The following ITPR2 variants were observed in gnomAD, a reference collection of about 807,000 sequenced individuals.
ITPR2 encodes the protein inositol 1,4,5-trisphosphate-gated calcium channel ITPR2.
Under a neutral mutation model 317.1 loss-of-function variants are expected in ITPR2, and 207 were observed. The ratio of observed to expected loss-of-function variants is 0.65; its 90% CI spans 0.58 to 0.73. ITPR2 has a LOEUF of 0.73. ITPR2 is among the 30% of genes least tolerant of loss of function. The probability of loss-of-function intolerance (pLI) is 0.00; values close to 1 mark genes in which losing one functional copy is unlikely to be tolerated. For synonymous variants in ITPR2, 1,156 were observed against 1,149.1 expected (o/e 1.01, Z -0.12); for missense variants, 2,613 against 3,284.0 (o/e 0.80, Z 4.99).
At chr12:26,750,900 C>A (rs1949401502) in intron 2 of ITPR2, among the ~76,000 whole-genome samples, 1 of 152,176 alleles carries the variant, frequency 6.6e-6, no homozygotes, top group Non-Finnish European at 1.5e-5. Flanking sequence ...CCAAAGCAAT[C>A]CAATGAGATA....
chr12:26,687,074 G>A (rs1230540931), intron 10 of ITPR2, among the ~76,000 whole-genome samples: 4 of 152,128 alleles, frequency 2.6e-5, no homozygotes, highest in Non-Finnish European at 5.9e-5. Flanking sequence ...TTGGAGAGGA[G>A]CAGAATCAAC....
chr12:26,733,000 C>G (rs893200415), intron 2 of ITPR2, among the ~76,000 whole-genome samples: 4 of 152,136 alleles, frequency 2.6e-5, no homozygotes, highest in African/African-American at 9.7e-5. Flanking sequence ...ATTGTTAAAG[C>G]ATCTATTAAT....
chr12:26,407,310 G>A (rs1270537949), intron 52 of ITPR2, among the ~76,000 whole-genome samples: 3 of 152,184 alleles, frequency 2.0e-5, no homozygotes, highest in East Asian at 3.8e-4. Context: ...AAACAGAACA[G>A]TTTATCAAGC....
chr12:26,467,361 C>A (rs1021430885), intron 45 of ITPR2, among the ~76,000 whole-genome samples: 1 of 151,550 alleles, frequency 6.6e-6, no homozygotes, highest in Non-Finnish European at 1.5e-5. Flanking sequence ...TTCTCTATCT[C>A]TCTCTCTCTC....
At chr12:26,504,944 T>C (rs571346966) in intron 37 of ITPR2, among the ~76,000 whole-genome samples, 4 of 152,020 alleles carry the variant, frequency 2.6e-5, no homozygotes, top group African/African-American at 7.2e-5. Context: ...ATGTTAGAAA[T>C]AGAATGATGA....
At chr12:26,494,449 G>T in intron 38 of ITPR2, 109 bp from the exon 39 acceptor site, 1 of 738,338 alleles carries the variant, frequency 1.4e-6, no homozygotes, top group Non-Finnish European at 2.0e-6. Flanking sequence ...TAATCATTGA[G>T]ATTTTTTCCC....
chr12:26,657,813 A>G lies in ITPR2; in HGVS notation c.2086T>C (p.Tyr696His), dbSNP rs1013499099. The G allele has an allele frequency of 7.4e-6, 12 of 1,614,078 alleles. No homozygotes were observed. Among genetic ancestry groups the G allele is most frequent in the Non-Finnish European group, 9.3e-6 (11 of 1,180,018 alleles). ...GGTTCCTTGTTGCTGTCAATCCAATAGAGCCAAACTTCTTCATCATCAATG... is the reference window on the plus strand; with the variant it reads ...GGTTCCTTGTTGCTGTCAATCCAATGGAGCCAAACTTCTTCATCATCAATG... Reference protein sequence around the residue: ...DDIDDEEVWLYWIDSNKEPHG... With the variant: ...DDIDDEEVWLHWIDSNKEPHG... The change falls in exon 18 of 57, where the codon TAT (tyrosine) becomes CAT (histidine). Residue 696 changes from tyrosine (Y) to histidine (H), a missense_variant. Transcript: ENST00000381340.
intron 48 of ITPR2, among the ~76,000 whole-genome samples, chr12:26,433,445 C>T (rs1941271626): frequency 6.6e-6 from 1 of 152,098 alleles, no homozygotes; most frequent in African/African-American, 2.4e-5. Flanking sequence ...ATGGGAATGT[C>T]TTATACCAAG....
At chr12:26,500,228 T>A (rs1165437025) in intron 37 of ITPR2, among the ~76,000 whole-genome samples, 2 of 152,232 alleles carry the variant, frequency 1.3e-5, no homozygotes, top group African/African-American at 2.4e-5. Flanking sequence ...TTTCCCCAAA[T>A]TACTTTAATT....
At chr12:26,418,836 G>T (rs1024249714) in intron 50 of ITPR2, among the ~76,000 whole-genome samples, 2 of 151,714 alleles carry the variant, frequency 1.3e-5, no homozygotes, top group African/African-American at 4.8e-5. Flanking sequence ...TTCTCAAAGA[G>T]GAAATAAAGA....
chr12:26,494,318 T>C lies in ITPR2; in HGVS notation c.5205A>G (p.Ser1735=), dbSNP rs777095595. The part of the protein sequence containing the change: ...QVGGSFSGQD[S]DKMGISMSDI... Reference sequence around the variant, plus strand: ...CTGACATTGATATCCCCATCTTATCTGAATCTTGTCCAGAAAAGCTTCCTG... The same window carrying C: ...CTGACATTGATATCCCCATCTTATCCGAATCTTGTCCAGAAAAGCTTCCTG... The change falls in exon 39 of 57, where the codon TCA becomes TCG. Residue 1735 remains serine (S), a synonymous_variant. Coordinates refer to ENST00000381340, the MANE Select transcript of ITPR2 (RefSeq NM_002223.4). The C allele has an allele frequency of 3.1e-6, 5 of 1,607,854 alleles. No individual in the cohort carries two copies. Among genetic ancestry groups the C allele is most frequent in the Non-Finnish European group, 4.2e-6 (5 of 1,177,900 alleles).
chr12:26,367,509 G>A (rs933801815), intron 55 of ITPR2, among the ~76,000 whole-genome samples: 1 of 152,056 alleles, frequency 6.6e-6, no homozygotes, highest in Non-Finnish European at 1.5e-5. Context: ...GCAAGATGAA[G>A]ATAGTAAAGG....
intron 37 of ITPR2, among the ~76,000 whole-genome samples, chr12:26,531,478 C>A (rs1591864259): frequency 6.6e-6 from 1 of 152,144 alleles, no homozygotes; most frequent in Admixed American, 6.5e-5. Flanking sequence ...TTGATTTTTT[C>A]ATTCGTCTTA....
chr12:26,681,742 C>A, intron 13 of ITPR2, 132 bp downstream of exon 13: 1 of 582,962 alleles, frequency 1.7e-6, no homozygotes, highest in Non-Finnish European at 3.0e-6. Flanking sequence ...GAATAAGTTC[C>A]CATCTCATTC....
rs1178137667 is a variant in ITPR2 at position 26,476,961 on chromosome 12, T to C, written c.6170A>G (p.Asp2057Gly). Residue 2057 changes from aspartate (D) to glycine (G), a missense_variant, in exon 44 of 57, where the codon GAC becomes GGC. Transcript: ENST00000381340. ...AAGAATTCTTTCTGCATTCTCACTG[T>C]CATGTCTGCTTTCCATAATGGCCAG... ...LLLAIMESRH[D>G]SENAERILFN... 1 of 1,613,690 alleles carries C rather than the reference T, an allele frequency of 6.2e-7. No homozygotes were observed. The highest frequency in any genetic ancestry group is 1.3e-5 in the African/African-American group (1 of 75,066).
At chr12:26,692,652 A>C (rs1948262332) in intron 10 of ITPR2, among the ~76,000 whole-genome samples, 2 of 151,954 alleles carry the variant, frequency 1.3e-5, no homozygotes, top group Admixed American at 6.6e-5. Flanking sequence ...GAAATAATAG[A>C]CTCCTTTGTA....
At chr12:26,604,502 T>G (rs368956693) in intron 26 of ITPR2, among the ~76,000 whole-genome samples, 1 of 152,216 alleles carries the variant, frequency 6.6e-6, no homozygotes. Flanking sequence ...GCTTCATCCC[T>G]GTTTCTTGTA....
In ITPR2 at chr12:26,602,896, G is replaced by A. The variant is rs550472698; in HGVS notation, c.3463-190C>T. Among the ~76,000 whole-genome samples, 6 of 152,048 alleles carry A rather than the reference G, an allele frequency of 3.9e-5. No individual in the cohort carries two copies. In the East Asian group the frequency reaches 5.8e-4, roughly 15 times the overall value. ...GCTTGACTGAGCCATGCAAATTACC[G>A]CTACCCAGTGAGAACCCAATGACAA... On this transcript the variant is annotated intron_variant, in intron 26 of 56. Transcript: ENST00000381340.
Position 26,489,993 on chromosome 12 carries a change from T to C in ITPR2, c.5371-2742A>G, listed in dbSNP as rs1942760779. 2.0e-5 allele frequency among the ~76,000 whole-genome samples: 3 copies of C among 152,330 alleles called. No individual in the cohort carries two copies. In the South Asian group the frequency reaches 6.2e-4, roughly 32 times the overall value. On this transcript the variant is annotated intron_variant, in intron 39 of 56. Transcript: ENST00000381340. ...ACCTCTTAGAGCCAGGAAAACATAG[T>C]TGCCATCTGGGTTATACAATGTGAG...
Sources: gnomAD v4.1 joint callset for allele counts (sites outside exome capture counted in the v4.1 genomes callset) on GRCh38, gnomAD v4.1.1 for gene constraint, MANE v1.5 for transcripts, NCBI Gene and HGNC (gene_info 2026-07-23, HGNC 2026-07-21) for gene names.